The following DHX9 variants were observed in gnomAD, a reference collection of about 807,000 sequenced individuals.
DHX9 encodes the protein DExH-box helicase 9.
A neutral mutation model predicts 148.7 loss-of-function variants in DHX9; 27 were observed. The ratio of observed to expected loss-of-function variants is 0.18; its 90% CI spans 0.13 to 0.25. The LOEUF (loss-of-function observed/expected upper bound fraction) is 0.25, where lower values mean the gene tolerates loss of function less well. Among genes scored for constraint, DHX9 ranks in the 10% least tolerant of loss-of-function variants. The probability of loss-of-function intolerance (pLI) is 1.00; values close to 1 mark genes in which losing one functional copy is unlikely to be tolerated. For synonymous variants in DHX9, 529 were observed against 516.6 expected (o/e 1.02, Z -0.33); for missense variants, 796 against 1,559.6 (o/e 0.51, Z 8.25).
chr1:182,851,361 T>C (rs776728558), intron 3 of DHX9, among the ~76,000 whole-genome samples: 23 of 152,340 alleles, frequency 1.5e-4, no homozygotes, highest in Admixed American at 3.9e-4. Flanking sequence ...GATCATAGAC[T>C]ATTTAGATAA....
Position 182,855,811 on chromosome 1 carries a change from T to A in DHX9, c.627-721T>A, listed in dbSNP as rs960017690. 51 of 885,410 alleles carry A rather than the reference T, an allele frequency of 5.8e-5. No homozygotes were observed. In the African/African-American group the frequency reaches 7.2e-4, roughly 13 times the overall value. 54.8% of individuals were successfully genotyped at this position (885,410 alleles called of 1,614,324 possible). A position where few individuals can be genotyped will look rare whatever the true frequency, so the allele number is the denominator to read the frequency against. On this transcript the variant is annotated intron_variant, in intron 6 of 27. Coordinates refer to ENST00000367549, the MANE Select transcript of DHX9 (RefSeq NM_001357.5). ...ACACCACCAAGTCTAGGTTAGAATG[T>A]ATCTGAGCAGTGAAAGGACCAGAAT...
chr1:182,883,594 G>T lies in DHX9; in HGVS notation c.3219G>T (p.Lys1073Asn), dbSNP rs537785236. The T allele has an allele frequency of 3.7e-6, 6 of 1,613,912 alleles. No homozygotes were observed. In the East Asian group the frequency reaches 1.1e-4, roughly 30 times the overall value. The change falls in exon 26 of 28, where the codon AAG becomes AAT. Residue 1073 changes from lysine (K) to asparagine (N), a missense_variant. Coordinates refer to ENST00000367549, the MANE Select transcript of DHX9 (RefSeq NM_001357.5). ...TPLQLLLFAS[K>N]KVQSDGQIVL... The stretch of plus-strand genomic sequence containing the variant: ...TGCAGTTGCTTCTCTTTGCCTCCAA[G>T]AAAGTCCAATCTGATGGGCAGATTG...
In DHX9 at chr1:182,868,896, A is replaced by C. The variant is rs574217007; in HGVS notation, c.1557+1853A>C. Among the ~76,000 whole-genome samples the C allele has an allele frequency of 7.9e-5, 12 of 152,278 alleles. No homozygotes were observed. In the South Asian group the frequency reaches 2.5e-3, roughly 32 times the overall value. ...TTTGGATGGCTTATGATGACTATAA[A>C]TCATGTAACTTTTCAGTAGGGCAAA... On this transcript the variant is annotated intron_variant, in intron 14 of 27. Coordinates refer to ENST00000367549, the MANE Select transcript of DHX9 (RefSeq NM_001357.5).
intron 20 of DHX9, among the ~76,000 whole-genome samples, chr1:182,879,033 G>T (rs1306928202): frequency 6.6e-6 from 1 of 152,194 alleles, no homozygotes; most frequent in East Asian, 1.9e-4. Context: ...AGCCTAAAAG[G>T]CTATCAAGCT....
chr1:182,875,951 A>G, intron 16 of DHX9, 99 bp from the exon 17 acceptor site: 2 of 890,052 alleles, frequency 2.2e-6, no homozygotes, highest in Non-Finnish European at 3.5e-6. Context: ...AGAATAAATA[A>G]TGACATTACA....
rs1186477806 is a variant in DHX9, at chr1:182,876,526, A to G, written c.2109A>G (p.Pro703=). The change falls in exon 18 of 28, where the codon CCA becomes CCG. Residue 703 remains proline (P), a synonymous_variant. Coordinates refer to ENST00000367549, the MANE Select transcript of DHX9 (RefSeq NM_001357.5). ...EEQRKVFDPV[P]VGVTKVILST... is the part of the protein sequence containing the mutation. ...AGCGCAAAGTGTTTGATCCAGTACC[A>G]GTTGGAGTAACCAAGGTAAATATTA... is the stretch of plus-strand genomic sequence containing the variant. 6.2e-7 allele frequency: 1 copy of G among 1,611,688 alleles called. No individual in the cohort carries two copies. Among genetic ancestry groups the G allele is most frequent in the East Asian group, 2.2e-5 (1 of 44,878 alleles).
chr1:182,843,289 TA>T lies in DHX9; in HGVS notation c.112-2del. The T allele has an allele frequency of 7.5e-5, 114 of 1,529,564 alleles. No homozygotes were observed. Among genetic ancestry groups the T allele is most frequent in the East Asian group, 1.9e-4 (8 of 42,360 alleles). 94.7% of individuals were successfully genotyped at this position (1,529,564 alleles called of 1,614,324 possible). A position where few individuals can be genotyped will look rare whatever the true frequency, so the allele number is the denominator to read the frequency against. Reference sequence around the variant, plus strand: ...GTCTCTTAGTACTTTTTTTTTTTTTTAAAGGTTCAGGTGGAAGGTTATAATT... The same window carrying T: ...GTCTCTTAGTACTTTTTTTTTTTTTTAAGGTTCAGGTGGAAGGTTATAATT... On this transcript the variant is annotated splice_polypyrimidine_tract_variant and splice_region_variant and intron_variant, in intron 2 of 27. Transcript: ENST00000367549.
intron 14 of DHX9, among the ~76,000 whole-genome samples, chr1:182,870,111 A>G (rs1648497089): frequency 6.6e-6 from 1 of 152,244 alleles, no homozygotes; most frequent in African/African-American, 2.4e-5. Context: ...GCAGTAGTCA[A>G]AGTATTTAGT....
intron 16 of DHX9, chr1:182,875,278 G>A: frequency 2.2e-6 from 1 of 444,578 alleles, no homozygotes; most frequent in Non-Finnish European, 4.5e-6. Flanking sequence ...TCAGTAGGCT[G>A]CAGCATCTGG....
chr1:182,848,169 C>T (rs1274321720), intron 3 of DHX9, among the ~76,000 whole-genome samples: 1 of 152,232 alleles, frequency 6.6e-6, no homozygotes, highest in Non-Finnish European at 1.5e-5. Flanking sequence ...TAAACATTGT[C>T]ACCCTCAGGT....
intron 14 of DHX9, among the ~76,000 whole-genome samples, chr1:182,868,030 A>G (rs1010979590): frequency 5.9e-4 from 90 of 152,190 alleles, no homozygotes; most frequent in African/African-American, 2.0e-3. Flanking sequence ...GAAGTTACCC[A>G]GGGGTTACCA....
chr1:182,872,262 G>A (rs1461863371), intron 14 of DHX9, 75 bp from the exon 15 acceptor site: 2 of 1,269,016 alleles, frequency 1.6e-6, no homozygotes, highest in Non-Finnish European at 2.2e-6. Flanking sequence ...TCTTATGGCT[G>A]TATAACTCTT....
intron 20 of DHX9, 49 bp downstream of exon 20, chr1:182,878,222 G>C: frequency 6.2e-7 from 1 of 1,600,868 alleles, no homozygotes; most frequent in Non-Finnish European, 8.5e-7. Flanking sequence ...TCTGTTCTCT[G>C]TAGGGACAGA....
At chr1:182,885,338 TTGATACTTACCAAAAAGGCAAGAAGAG>T (rs1447151129) in intron 27 of DHX9, among the ~76,000 whole-genome samples, 30 of 152,342 alleles carry the variant, frequency 2.0e-4, no homozygotes, top group Admixed American at 1.8e-3. Flanking sequence ...TTACATATAC[TTGATACTTACCAAAAAGGCAAGAAGAG>T]TGATACAATG....
intron 3 of DHX9, among the ~76,000 whole-genome samples, chr1:182,848,611 G>GA (rs903867332): frequency 2.3e-4 from 35 of 151,136 alleles, no homozygotes; most frequent in Admixed American, 9.2e-4. Flanking sequence ...GATGAATTTG[G>GA]AAAAAAAAAT....
chr1:182,867,479 A>T (rs1448722725), intron 14 of DHX9, among the ~76,000 whole-genome samples: 1 of 151,930 alleles, frequency 6.6e-6, no homozygotes, highest in Non-Finnish European at 1.5e-5. Context: ...CTCAGCTCAC[A>T]GCAACCTCCG....
At chr1:182,856,489 C>A in intron 6 of DHX9, 43 bp from the exon 7 acceptor site, 1 of 1,589,836 alleles carries the variant, frequency 6.3e-7, no homozygotes, top group Non-Finnish European at 8.6e-7. Context: ...TTGCTGGTTT[C>A]TAACAGTGAA....
intron 13 of DHX9, 87 bp from the exon 14 acceptor site, chr1:182,866,874 G>T: frequency 1.0e-6 from 1 of 986,608 alleles, no homozygotes; most frequent in South Asian, 1.6e-5. Flanking sequence ...AATGATGCTG[G>T]GGTCTCTTAG....
At chr1:182,874,651 A>G (rs1209792182) in intron 15 of DHX9, among the ~76,000 whole-genome samples, 1 of 152,164 alleles carries the variant, frequency 6.6e-6, no homozygotes, top group African/African-American at 2.4e-5. Flanking sequence ...AAGACACCTC[A>G]CCCTCCTTCA....
Sources: gnomAD v4.1 joint callset for allele counts (sites outside exome capture counted in the v4.1 genomes callset) on GRCh38, gnomAD v4.1.1 for gene constraint, MANE v1.5 for transcripts, NCBI Gene and HGNC (gene_info 2026-07-23, HGNC 2026-07-21) for gene names.